The following CHIT1 variants were observed in gnomAD, a reference collection of about 807,000 sequenced individuals.
CHIT1 encodes the protein chitotriosidase-1.
In CHIT1, 47 loss-of-function variants were observed where a neutral mutation model predicts 52.0. The ratio of observed to expected loss-of-function variants is 0.90; its 90% CI spans 0.71 to 1.15. CHIT1 has a LOEUF of 1.15. Ranked by LOEUF, CHIT1 falls within the 50% of genes most tolerant of loss-of-function variation. The pLI is 0.00. For missense variants in CHIT1, 569 were observed against 583.0 expected (o/e 0.98, Z 0.25); for synonymous variants, 242 against 228.2 (o/e 1.06, Z -0.54).
rs7512820 is a variant in CHIT1, at chr1:203,222,866, G to A, written c.605+269C>T. On this transcript the variant is annotated intron_variant, in intron 6 of 10. Transcript: ENST00000367229. ...CCACTCAGAGGCATTTTCACCTTAA[G>A]AATGAGTTCCCGAGGAAGAGGACAG... is the stretch of plus-strand genomic sequence containing the variant. 2.5e-3 allele frequency among the ~76,000 whole-genome samples: 382 copies of A among 152,236 alleles called. 1 individual carries two copies. The highest frequency in any genetic ancestry group is 4.6e-3 in the Non-Finnish European group (310 of 68,010).
intron 7 of CHIT1, among the ~76,000 whole-genome samples, chr1:203,220,312 CA>C (rs1656689151): frequency 6.6e-6 from 1 of 152,206 alleles, no homozygotes; most frequent in Non-Finnish European, 1.5e-5. Flanking sequence ...AAAAGGTCAG[CA>C]CAACGCAATA....
At chr1:203,225,253 G>A in intron 3 of CHIT1, 149 bp from the exon 4 acceptor site, 1 of 746,148 alleles carries the variant, frequency 1.3e-6, no homozygotes, top group South Asian at 1.5e-5. Context: ...GGGGACAGCT[G>A]TAGATTGGAA....
chr1:203,224,468 G>A (rs1368531424), intron 4 of CHIT1, among the ~76,000 whole-genome samples: 1 of 152,176 alleles, frequency 6.6e-6, no homozygotes, highest in Non-Finnish European at 1.5e-5. Context: ...AAGGGTTCAT[G>A]ATCCAAAAAA....
In CHIT1 at chr1:203,225,965, C is replaced by T. The variant is rs1656915896; in HGVS notation, c.56-95G>A. On this transcript the variant is annotated intron_variant, in intron 2 of 10. Transcript: ENST00000367229. ...TGGGGTAGGCAATGTCCTTGGACCT[C>T]CCTCTTCTACACCTGGAGTCAGTGG... The T allele has an allele frequency of 2.3e-6, 3 of 1,295,632 alleles. No individual in the cohort carries two copies. In the Admixed American group the frequency reaches 5.8e-5, roughly 25 times the overall value. The allele number at this position is 1,295,632 out of a possible 1,614,324, so 80.3% of individuals were successfully genotyped here. A position where few individuals can be genotyped will look rare whatever the true frequency, so the allele number is the denominator to read the frequency against.
intron 10 of CHIT1, 145 bp downstream of exon 10, chr1:203,217,594 C>A (rs760573607): frequency 9.7e-5 from 131 of 1,353,388 alleles, no homozygotes; most frequent in Non-Finnish European, 1.3e-4. Flanking sequence ...TTAGCTCCTG[C>A]GGGTACATGA....
At chr1:203,227,724 T>C (rs187403614) in intron 2 of CHIT1, among the ~76,000 whole-genome samples, 2 of 152,226 alleles carry the variant, frequency 1.3e-5, no homozygotes, top group African/African-American at 4.8e-5. Context: ...CCTACTATTA[T>C]TACTATACTG....
chr1:203,219,982 T>A, intron 7 of CHIT1, 133 bp from the exon 8 acceptor site: 1 of 1,097,228 alleles, frequency 9.1e-7, no homozygotes, highest in South Asian at 1.3e-5. Context: ...TTGTTAGGAT[T>A]CCAGCCCTAC....
intron 7 of CHIT1, among the ~76,000 whole-genome samples, chr1:203,221,008 A>G (rs527931126): frequency 6.6e-6 from 1 of 152,274 alleles, no homozygotes; most frequent in South Asian, 2.1e-4. Flanking sequence ...GTGTCTCCCC[A>G]CCAGCACAGG....
In CHIT1 at chr1:203,217,085, G is replaced by C. The variant is rs1292363848; in HGVS notation, c.1205C>G (p.Pro402Arg). ...SGTPELEVPK[P>R]GQPSEPEHGP... is the part of the protein sequence containing the mutation. ...ATGCTCAGGTTCAGAGGGCTGACCT[G>C]GTTTTGGAACTTCAAGCTCTGGGGT... Residue 402 changes from proline (P) to arginine (R), a missense_variant, in exon 11 of 11, where the codon CCA becomes CGA. By Grantham distance (103) the Pro-to-Arg change is moderately radical. Transcript: ENST00000367229. 2.5e-6 allele frequency: 4 copies of C among 1,612,270 alleles called. No homozygotes were observed. The highest frequency in any genetic ancestry group is 2.5e-6 in the Non-Finnish European group (3 of 1,180,046).
At chr1:203,221,717 C>T (rs1656742721) in intron 7 of CHIT1, among the ~76,000 whole-genome samples, 1 of 152,146 alleles carries the variant, frequency 6.6e-6, no homozygotes, top group African/African-American at 2.4e-5. Flanking sequence ...GTCTAAAAAC[C>T]AAGCCTGCCC....
chr1:203,218,099 G>C (rs1267729382), intron 9 of CHIT1: 1 of 1,491,216 alleles, frequency 6.7e-7, no homozygotes, highest in Admixed American at 2.0e-5. Flanking sequence ...GACCTGGGGT[G>C]GGGTGGGTGC....
chr1:203,222,858 C>T (rs1022559703), intron 6 of CHIT1, among the ~76,000 whole-genome samples: 1 of 152,148 alleles, frequency 6.6e-6, no homozygotes, highest in South Asian at 2.1e-4. Flanking sequence ...GAGGCATTTT[C>T]ACCTTAAGAA....
In CHIT1 at chr1:203,223,252, G is replaced by A; in HGVS notation, c.488C>T (p.Ala163Val). Residue 163 changes from alanine (A) to valine (V), a missense_variant, in exon 6 of 11, where the codon GCC becomes GTC. Transcript: ENST00000367229. ...CTGGGCTTCCTGCTGGAAGGCATTG[G>A]CCAAGTCCTGTGGGAGTGGAGCTCA... ...ERFTTLVQDL[A>V]NAFQQEAQTS... The A allele has an allele frequency of 1.2e-6, 2 of 1,614,180 alleles. No homozygotes were observed. Among genetic ancestry groups the A allele is most frequent in the South Asian group, 2.2e-5 (2 of 91,088 alleles).
intron 4 of CHIT1, 35 bp from the exon 5 acceptor site, chr1:203,223,695 T>C: frequency 1.2e-6 from 2 of 1,611,352 alleles, no homozygotes; most frequent in Non-Finnish European, 1.7e-6. Context: ...GGGCCGGCCT[T>C]GGACCAGACA....
At position 203,216,355 on chromosome 1, in the gene CHIT1, A is replaced by T. The variant is rs73066394; in HGVS notation, c.*534T>A. The stretch of plus-strand genomic sequence containing the variant: ...TGAGTGGCTGCTCGCAGAGCGCTTA[A>T]ATCAGGGAAAAGTTCTTCTCTGCTG... On this transcript the variant is annotated 3_prime_UTR_variant, in exon 11 of 11. Transcript: ENST00000367229. 1 of 454,014 alleles carries T rather than the reference A, an allele frequency of 2.2e-6. No individual in the cohort carries two copies. The highest frequency in any genetic ancestry group is 7.0e-5 in the East Asian group (1 of 14,380). 28.1% of individuals were successfully genotyped at this position (454,014 alleles called of 1,614,324 possible). A position where few individuals can be genotyped will look rare whatever the true frequency, so the allele number is the denominator to read the frequency against.
chr1:203,216,905 C>T lies in CHIT1; in HGVS notation c.1385G>A (p.Cys462Tyr). The T allele has an allele frequency of 6.2e-7, 1 of 1,614,200 alleles. No homozygotes were observed. Among genetic ancestry groups the T allele is most frequent in the Non-Finnish European group, 8.5e-7 (1 of 1,180,038 alleles). ...TTTAGCGACTCAATTCCAGGTGCAG[C>T]ATTTGCAGGAGTTGCTGAACACCAG... is the stretch of plus-strand genomic sequence containing the variant. ...TGLVFSNSCK[C>Y]CTWN Residue 462 changes from cysteine to tyrosine, a missense_variant, in exon 11 of 11, where the codon TGC (cysteine) becomes TAC (tyrosine). Coordinates refer to ENST00000367229, the MANE Select transcript of CHIT1 (RefSeq NM_003465.3).
intron 6 of CHIT1, 59 bp downstream of exon 6, chr1:203,223,076 T>A (rs1372782683): frequency 6.2e-7 from 1 of 1,609,776 alleles, no homozygotes; most frequent in East Asian, 2.2e-5. Context: ...AAGCTCAGTC[T>A]GCCCTTGGCC....
chr1:203,217,034 A>G lies in CHIT1; in HGVS notation c.1256T>C (p.Phe419Ser). 6.2e-7 allele frequency: 1 copy of G among 1,614,156 alleles called. No homozygotes were observed. The highest frequency in any genetic ancestry group is 8.5e-7 in the Non-Finnish European group (1 of 1,180,042). Residue 419 changes from phenylalanine (F) to serine (S), a missense_variant, in exon 11 of 11, where the codon TTC becomes TCC. Transcript: ENST00000367229. ...GAGCCCATCAGCTTTGCCCTGGCAGAACGTGTCTTGTCCAGGGCTGGGGCC... is the reference window on the plus strand; with the variant it reads ...GAGCCCATCAGCTTTGCCCTGGCAGGACGTGTCTTGTCCAGGGCTGGGGCC... ...EHGPSPGQDTFCQGKADGLYP... is the reference protein window; with the variant it reads ...EHGPSPGQDTSCQGKADGLYP...
chr1:203,227,513 TC>T (rs1427341993), intron 2 of CHIT1, among the ~76,000 whole-genome samples: 1 of 152,136 alleles, frequency 6.6e-6, no homozygotes, highest in Non-Finnish European at 1.5e-5. Flanking sequence ...TGGGTTGAAA[TC>T]CCAACTTTGC....
Sources: allele counts gnomAD v4.1 joint callset (sites outside exome capture counted in the v4.1 genomes callset), GRCh38; gene constraint gnomAD v4.1.1; transcripts MANE v1.5; gene names NCBI Gene and HGNC (gene_info 2026-07-23, HGNC 2026-07-21).